The following KDM5B variants were observed in gnomAD, a reference collection of about 807,000 sequenced individuals.
The protein encoded by KDM5B is lysine demethylase 5B.
Under a neutral mutation model 193.4 loss-of-function variants are expected in KDM5B, and 144 were observed. The ratio of observed to expected loss-of-function variants is 0.74; its 90% CI spans 0.65 to 0.86. The LOEUF is 0.86. Among genes scored for constraint, KDM5B ranks in the 40% least tolerant of loss-of-function variants. KDM5B has a pLI of 0.00. For missense variants in KDM5B, 1,833 were observed against 1,886.9 expected (o/e 0.97, Z 0.53); for synonymous variants, 668 against 682.6 (o/e 0.98, Z 0.33).
chr1:202,769,059 CAG>C (rs1656598398), intron 4 of KDM5B, among the ~76,000 whole-genome samples: 1 of 124,392 alleles, frequency 8.0e-6, no homozygotes, highest in Non-Finnish European at 1.6e-5. Context: ...TTTTTTGAGA[CAG>C]AGTCTCGCTT....
chr1:202,747,321 T>C (rs1415705611), intron 14 of KDM5B, among the ~76,000 whole-genome samples: 1 of 152,166 alleles, frequency 6.6e-6, no homozygotes, highest in East Asian at 1.9e-4. Context: ...GGATTTTAAT[T>C]GAGAATCAAT....
chr1:202,764,232 C>T (rs1003402512), intron 5 of KDM5B, 87 bp from the exon 6 acceptor site: 16 of 662,460 alleles, frequency 2.4e-5, no homozygotes, highest in Middle Eastern at 3.3e-4. Context: ...GTGACTATAT[C>T]CTACCAATTG....
At chr1:202,760,915 C>T (rs1656221506) in intron 7 of KDM5B, among the ~76,000 whole-genome samples, 1 of 151,924 alleles carries the variant, frequency 6.6e-6, no homozygotes, top group African/African-American at 2.4e-5. Context: ...GTAGTTCCAA[C>T]TACTTGGGGA....
chr1:202,756,564 G>A lies in KDM5B; in HGVS notation c.1198-48C>T, dbSNP rs545907032. The A allele has an allele frequency of 2.1e-5, 31 of 1,449,038 alleles. No individual in the cohort carries two copies. In the East Asian group the frequency reaches 6.3e-4, roughly 30 times the overall value. The allele number at this position is 1,449,038 out of a possible 1,614,324, so 89.8% of individuals were successfully genotyped here. A position where few individuals can be genotyped will look rare whatever the true frequency, so the allele number is the denominator to read the frequency against. ...AAATGAGTTTCCTCACAAACTGTCTGTGACCAATTAAGCTCAGTGATGGGA... is the reference window on the plus strand; with the variant it reads ...AAATGAGTTTCCTCACAAACTGTCTATGACCAATTAAGCTCAGTGATGGGA... On this transcript the variant is annotated intron_variant, in intron 9 of 26. Coordinates refer to ENST00000367265, the MANE Select transcript of KDM5B (RefSeq NM_006618.5).
intron 25 of KDM5B, among the ~76,000 whole-genome samples, chr1:202,730,694 C>T (rs1043403336): frequency 1.1e-4 from 16 of 152,136 alleles, no homozygotes; most frequent in African/African-American, 3.6e-4. Context: ...AGTTAGTTCA[C>T]TAGAAGGAAG....
intron 23 of KDM5B, 56 bp from the exon 24 acceptor site, chr1:202,731,995 A>G (rs1654903032): frequency 1.8e-6 from 2 of 1,094,216 alleles, no homozygotes; most frequent in African/African-American, 1.6e-5. Context: ...AAATACTCCC[A>G]TTAGTCCAAT....
chr1:202,782,596 A>T (rs1348665800), intron 1 of KDM5B, among the ~76,000 whole-genome samples: 1 of 152,184 alleles, frequency 6.6e-6, no homozygotes, highest in South Asian at 2.1e-4. Context: ...TTGAAAAATA[A>T]TCCTCAAATT....
At chr1:202,740,177 G>A (rs1327762756) in intron 20 of KDM5B, among the ~76,000 whole-genome samples, 8 of 145,978 alleles carry the variant, frequency 5.5e-5, no homozygotes, top group Non-Finnish European at 1.1e-4. Context: ...CAGTAGGGGC[G>A]GCCGGGCAGA....
intron 1 of KDM5B, 97 bp downstream of exon 1, chr1:202,808,005 G>C: frequency 8.7e-6 from 11 of 1,267,050 alleles, no homozygotes; most frequent in Admixed American, 3.1e-5. Flanking sequence ...CGGGGCGACC[G>C]GCTCCCCGCC....
intron 22 of KDM5B, 70 bp downstream of exon 22, chr1:202,735,358 TA>T: frequency 1.3e-6 from 2 of 1,498,972 alleles, no homozygotes; most frequent in South Asian, 2.6e-5. Context: ...TCCAAATTCC[TA>T]TAAAACAGAA....
Position 202,749,000 on chromosome 1 carries a change from T to A in KDM5B, c.1961A>T (p.Asp654Val). The stretch of plus-strand genomic sequence containing the variant: ...CTCATCCTCAATCATAATGGCCATG[T>A]CTTTCTGAACAGTTGAAGCCACTAC... ...DVVVASTVQK[D>V]MAIMIEDEKA... is the part of the protein sequence containing the mutation. Residue 654 changes from aspartate (D) to valine (V), a missense_variant, in exon 14 of 27, where the codon GAC becomes GTC. Physicochemically the swap from Asp to Val is radical, Grantham distance 152. This residue lies in a region of KDM5B where 1,379 missense variants were observed against 1,349.6 expected (regional missense o/e 1.02). Transcript: ENST00000367265. 6.2e-7 allele frequency: 1 copy of A among 1,613,962 alleles called. No individual in the cohort carries two copies. The highest frequency in any genetic ancestry group is 8.5e-7 in the Non-Finnish European group (1 of 1,179,968).
At chr1:202,783,928 T>A (rs2102316866) in intron 1 of KDM5B, among the ~76,000 whole-genome samples, 1 of 152,214 alleles carries the variant, frequency 6.6e-6, no homozygotes, top group Non-Finnish European at 1.5e-5. Context: ...AAAAATGTAT[T>A]CCTTAGGAAG....
In KDM5B at chr1:202,731,038, T is replaced by C. The variant is rs910488703; in HGVS notation, c.4047A>G (p.Leu1349=). 1.9e-6 allele frequency: 3 copies of C among 1,612,888 alleles called. No homozygotes were observed. The highest frequency in any genetic ancestry group is 2.5e-6 in the Non-Finnish European group (3 of 1,179,294). ...CCTGGAGCAGCTGGGCTTCCATCAA[T>C]AGTTCATTCACTTCTGGACTAACAC... ...LHGVSPEVNE[L]LMEAQLLQVS... is the part of the protein sequence containing the mutation. The change falls in exon 25 of 27, where the codon CTA becomes CTG. Residue 1349 remains leucine (L), a synonymous_variant. Coordinates refer to ENST00000367265, the MANE Select transcript of KDM5B (RefSeq NM_006618.5).
chr1:202,763,873 C>G (rs1429887117), intron 6 of KDM5B, among the ~76,000 whole-genome samples, 176 bp downstream of exon 6: 1 of 152,186 alleles, frequency 6.6e-6, no homozygotes, highest in South Asian at 2.1e-4. Context: ...AGAACAAGGA[C>G]ACTGTTGATA....
At chr1:202,740,253 C>T (rs576744239) in intron 20 of KDM5B, among the ~76,000 whole-genome samples, 92 of 149,138 alleles carry the variant, frequency 6.2e-4, no homozygotes, top group African/African-American at 2.2e-3. Flanking sequence ...GCCTCCCTCC[C>T]GGACGGGGCG....
intron 1 of KDM5B, among the ~76,000 whole-genome samples, chr1:202,801,624 T>C (rs539131461): frequency 2.2e-5 from 1 of 46,332 alleles, no homozygotes; most frequent in East Asian, 8.0e-4. Flanking sequence ...TTTCATTTAA[T>C]TTTTATTTAC....
Position 202,729,752 on chromosome 1 carries a change from A to G in KDM5B, c.4452T>C (p.Asp1484=), listed in dbSNP as rs1006773605. The G allele has an allele frequency of 1.9e-6, 3 of 1,614,128 alleles. No individual in the cohort carries two copies. Among genetic ancestry groups the G allele is most frequent in the East Asian group, 2.2e-5 (1 of 44,888 alleles). The change falls in exon 26 of 27, where the codon GAT becomes GAC. Residue 1484 remains aspartate (D), a synonymous_variant. Transcript: ENST00000367265. The stretch of plus-strand genomic sequence containing the variant: ...GGCAGCTCACAGCTGGGCAGATGGC[A>G]TCTTCATCCTCAGAGTCTTCCTGTT... ...YSEQEDSEDE[D]AICPAVSCLQ... is the part of the protein sequence containing the mutation.
chr1:202,728,777 A>T lies in KDM5B; in HGVS notation c.*259T>A. 2.8e-6 allele frequency: 1 copy of T among 357,752 alleles called. No homozygotes were observed. 22.2% of individuals were successfully genotyped at this position (357,752 alleles called of 1,614,324 possible). A position where few individuals can be genotyped will look rare whatever the true frequency, so the allele number is the denominator to read the frequency against. Reference sequence around the variant, plus strand: ...CTTCCAAATTGGTGGGAACCCCTGCAAAAAAAACAGTCAGCTTTTCAAACC... The same window carrying T: ...CTTCCAAATTGGTGGGAACCCCTGCTAAAAAAACAGTCAGCTTTTCAAACC... On this transcript the variant is annotated 3_prime_UTR_variant, in exon 27 of 27. Transcript: ENST00000367265.
In KDM5B at chr1:202,741,148, T is replaced by C. The variant is rs188160525; in HGVS notation, c.2945+219A>G. ...CCAACTCTAGAAAAGGTGTGTCCAA[T>C]TGAATTATTCATTTTTAATCAGTAA... On this transcript the variant is annotated intron_variant, in intron 19 of 26. Transcript: ENST00000367265. Among the ~76,000 whole-genome samples the C allele has an allele frequency of 3.9e-5, 6 of 152,356 alleles. No homozygotes were observed. In the East Asian group the frequency reaches 7.7e-4, roughly 20 times the overall value.
Sources: allele counts gnomAD v4.1 joint callset (sites outside exome capture counted in the v4.1 genomes callset), GRCh38; gene constraint gnomAD v4.1.1; regional missense constraint gnomAD v4.1.1; transcripts MANE v1.5; gene names NCBI Gene and HGNC (gene_info 2026-07-23, HGNC 2026-07-21).